Variants in ADAP2 observed in about 807,000 individuals in gnomAD.
ADAP2 encodes the protein arf-GAP with dual PH domain-containing protein 2.
ADAP2 carries 42 observed loss-of-function variants against 54.9 expected under a neutral mutation model. That is an observed-to-expected ratio of 0.77 (90% CI 0.60 to 0.99). The LOEUF is 0.99. Among genes scored for constraint, ADAP2 ranks in the 50% least tolerant of loss-of-function variants. The probability of loss-of-function intolerance (pLI) is 0.00; values close to 1 mark genes in which losing one functional copy is unlikely to be tolerated. For missense variants in ADAP2, 429 were observed against 480.4 expected, an observed-to-expected ratio of 0.89 and a Z score of 1.00; for synonymous variants, 177 against 180.1, an observed-to-expected ratio of 0.98 and a Z score of 0.14.
At chr17:30,956,493 G>A in intron 10 of ADAP2, 24 bp downstream of exon 10, 1 of 1,609,456 alleles carries the variant, frequency 6.2e-7, no homozygotes, top group Non-Finnish European at 8.5e-7. Flanking sequence ...ACTGAGGGGT[G>A]TTCTTTTGGA....
Position 30,922,990 on chromosome 17 carries a change from TG to T in ADAP2, c.146del (p.Cys49SerfsTer29). ...KLGIFICLNC[C>X]GVHRNFPDIS... is the part of the protein sequence containing the mutation. ...GGGGATCTTCATCTGTCTCAACTGC[TG>T]CGGCGTCCACCGTAACTTCCCTGAC... On this transcript the variant is annotated frameshift_variant, in exon 2 of 11. Coordinates refer to ENST00000330889, the MANE Select transcript of ADAP2 (RefSeq NM_018404.3). LOFTEE classifies it high-confidence loss of function. 1 of 1,614,138 alleles carries T rather than the reference TG, an allele frequency of 6.2e-7. No homozygotes were observed.
At chr17:30,922,233 C>T (rs946920889) in intron 1 of ADAP2, 125 bp downstream of exon 1, 2 of 599,220 alleles carry the variant, frequency 3.3e-6, no homozygotes, top group Non-Finnish European at 4.7e-6. Flanking sequence ...CACCTGCGGG[C>T]CCCGACCCCT....
chr17:30,942,200 G>C (rs553480741), intron 5 of ADAP2, among the ~76,000 whole-genome samples: 9 of 152,206 alleles, frequency 5.9e-5, no homozygotes, highest in East Asian at 5.8e-4. Flanking sequence ...CACAGTGCCC[G>C]GCCCAAACTT....
chr17:30,936,066 C>T (rs925629016), intron 5 of ADAP2, among the ~76,000 whole-genome samples: 2 of 152,122 alleles, frequency 1.3e-5, no homozygotes, highest in African/African-American at 2.4e-5. Flanking sequence ...CCCACCCCAC[C>T]CCACCACTAG....
intron 2 of ADAP2, among the ~76,000 whole-genome samples, chr17:30,924,585 C>T (rs1308746909): frequency 6.6e-6 from 1 of 152,068 alleles, no homozygotes; most frequent in African/African-American, 2.4e-5. Context: ...CTGCACTGTG[C>T]GGGTTGGCTG....
In ADAP2 at chr17:30,932,474, G is replaced by C. The variant is rs575528838; in HGVS notation, c.397+506G>C. Among the ~76,000 whole-genome samples the C allele has an allele frequency of 9.2e-5, 14 of 151,744 alleles. No homozygotes were observed. The South Asian group carries it at 2.9e-3, about 32-fold the overall frequency. ...TCACCATGTTGCCCAGGCTGGTCTT[G>C]AACTCCTGAACTCAAGTGATCCTTT... On this transcript the variant is annotated intron_variant, in intron 4 of 10. Transcript: ENST00000330889.
chr17:30,925,639 A>T (rs1911001847), intron 2 of ADAP2, among the ~76,000 whole-genome samples: 1 of 135,852 alleles, frequency 7.4e-6, no homozygotes, highest in Non-Finnish European at 1.5e-5. Context: ...TCTGTTGCCC[A>T]GGTTGGAGTG....
chr17:30,949,291 T>C lies in ADAP2; in HGVS notation c.662T>C (p.Ile221Thr). The change falls in exon 7 of 11, where the codon ATA becomes ACA. Residue 221 changes from isoleucine to threonine, a missense_variant. Coordinates refer to ENST00000330889, the MANE Select transcript of ADAP2 (RefSeq NM_018404.3). ...LFVYHESGKE[I>T]VDWFNALRAA... Reference sequence around the variant, plus strand: ...CCTGTGCACTTCTCTCCGCAGGAGATAGTGGACTGGTTCAATGCCCTCCGT... The same window carrying C: ...CCTGTGCACTTCTCTCCGCAGGAGACAGTGGACTGGTTCAATGCCCTCCGT... The C allele has an allele frequency of 1.9e-6, 3 of 1,614,010 alleles. No individual in the cohort carries two copies. Among genetic ancestry groups the C allele is most frequent in the Non-Finnish European group, 2.5e-6 (3 of 1,179,894 alleles).
At chr17:30,932,495 C>G (rs1266858897) in intron 4 of ADAP2, among the ~76,000 whole-genome samples, 3 of 150,992 alleles carry the variant, frequency 2.0e-5, no homozygotes, top group African/African-American at 4.9e-5. Flanking sequence ...CTCAAGTGAT[C>G]CTTTCGCTTT....
At position 30,958,083 on chromosome 17, in the gene ADAP2, A is replaced by T; in HGVS notation, c.*214A>T. 1 of 601,724 alleles carries T rather than the reference A, an allele frequency of 1.7e-6. No individual in the cohort carries two copies. Among genetic ancestry groups the T allele is most frequent in the Non-Finnish European group, 3.0e-6 (1 of 333,330 alleles). The allele number at this position is 601,724 out of a possible 1,614,324, so 37.3% of individuals were successfully genotyped here. On this transcript the variant is annotated 3_prime_UTR_variant, in exon 11 of 11. Transcript: ENST00000330889. Reference sequence around the variant, plus strand: ...GGGGATCTGAGGATCTGGTGCATAGATGAACATCTATCCCCTCCTCCCCCA... The same window carrying T: ...GGGGATCTGAGGATCTGGTGCATAGTTGAACATCTATCCCCTCCTCCCCCA...
chr17:30,957,144 T>C (rs1311830359), intron 10 of ADAP2, among the ~76,000 whole-genome samples: 2 of 152,220 alleles, frequency 1.3e-5, no homozygotes, highest in African/African-American at 2.4e-5. Flanking sequence ...GGGGAAACAC[T>C]TGTGCCCTTT....
intron 6 of ADAP2, among the ~76,000 whole-genome samples, chr17:30,946,835 G>A (rs1912714513): frequency 6.6e-6 from 1 of 152,196 alleles, no homozygotes; most frequent in Non-Finnish European, 1.5e-5. Context: ...TGCCTCTGCT[G>A]TAGGAAGGAC....
At chr17:30,953,606 G>A (rs1307524108) in intron 8 of ADAP2, among the ~76,000 whole-genome samples, 2 of 151,186 alleles carry the variant, frequency 1.3e-5, no homozygotes, top group African/African-American at 2.4e-5. Flanking sequence ...GTGTGATCTC[G>A]GCTCACTGCA....
At chr17:30,956,199 C>T in intron 9 of ADAP2, 42 bp from the exon 10 acceptor site, 1 of 1,594,740 alleles carries the variant, frequency 6.3e-7, no homozygotes, top group African/African-American at 1.3e-5. Context: ...GCCCCTCTGC[C>T]CTGGGGGCAC....
intron 7 of ADAP2, among the ~76,000 whole-genome samples, chr17:30,951,391 A>G (rs1904616291): frequency 6.6e-6 from 1 of 152,118 alleles, no homozygotes; most frequent in Non-Finnish European, 1.5e-5. Flanking sequence ...AATATTGAGC[A>G]GTTCGGGACT....
At chr17:30,923,529 G>C (rs1266435668) in intron 2 of ADAP2, among the ~76,000 whole-genome samples, 7 of 151,508 alleles carry the variant, frequency 4.6e-5, no homozygotes, top group Non-Finnish European at 8.8e-5. Flanking sequence ...CTCCCAAAGT[G>C]CTGGGATTAC....
At chr17:30,922,804 A>G (rs1910734654) in intron 1 of ADAP2, 136 bp from the exon 2 acceptor site, 16 of 996,500 alleles carry the variant, frequency 1.6e-5, no homozygotes, top group Non-Finnish European at 2.2e-5. Context: ...TGGGCTAACC[A>G]GAAGGTGCCA....
At chr17:30,928,592 A>G (rs1226323113) in intron 3 of ADAP2, among the ~76,000 whole-genome samples, 2 of 152,156 alleles carry the variant, frequency 1.3e-5, no homozygotes, top group Non-Finnish European at 2.9e-5. Flanking sequence ...ACAACCCTAC[A>G]AGTACTGCTA....
Position 30,944,927 on chromosome 17 carries a change from C to T in ADAP2, c.531C>T (p.Val177=). The T allele has an allele frequency of 6.2e-7, 1 of 1,614,106 alleles. No individual in the cohort carries two copies. Among genetic ancestry groups the T allele is most frequent in the South Asian group, 1.1e-5 (1 of 91,076 alleles). ...TTCAGGGTAAAAGCCCCAAAGCTGT[C>T]ATCAGCATTAAGGACTTGAATGCCA... The part of the protein sequence containing the change: ...TKEQGKSPKA[V]ISIKDLNATF... The change falls in exon 6 of 11, where the codon GTC becomes GTT. Residue 177 remains valine, a synonymous_variant. Coordinates refer to ENST00000330889, the MANE Select transcript of ADAP2 (RefSeq NM_018404.3).
Sources: allele counts gnomAD v4.1 joint callset (sites outside exome capture counted in the v4.1 genomes callset), GRCh38; gene constraint gnomAD v4.1.1; transcripts MANE v1.5; gene names NCBI Gene and HGNC (gene_info 2026-07-23, HGNC 2026-07-21).